Variants in CD55 observed in about 807,000 individuals in gnomAD.
CD55 encodes complement decay-accelerating factor.
A neutral mutation model predicts 45.8 loss-of-function variants in CD55; 41 were observed. The ratio of observed to expected loss-of-function variants is 0.90; its 90% CI spans 0.70 to 1.16. CD55 has a LOEUF of 1.16. Ranked by LOEUF, CD55 falls within the 50% of genes most tolerant of loss-of-function variation. The pLI, the probability that CD55 is intolerant of heterozygous loss-of-function variation, is 0.00. For missense variants in CD55, 416 were observed against 469.8 expected (o/e 0.89, Z 1.06); for synonymous variants, 181 against 181.1 (o/e 1.00, Z 0.01).
chr1:207,322,448 C>T lies in CD55; in HGVS notation c.167C>T (p.Pro56Leu), dbSNP rs1259936706. The change falls in exon 2 of 10, where the codon CCC becomes CTC. Residue 56 changes from proline (P) to leucine (L), a missense_variant. This residue lies in a region of CD55 where 123 missense variants were observed against 105.1 expected (regional missense o/e 1.17). Coordinates refer to ENST00000367064, the MANE Select transcript of CD55 (RefSeq NM_000574.5). Reference sequence around the variant, plus strand: ...GCTTTGGAAGGCCGTACAAGTTTTCCCGAGGATACTGTAATAACGTACAAA... The same window carrying T: ...GCTTTGGAAGGCCGTACAAGTTTTCTCGAGGATACTGTAATAACGTACAAA... ...QPALEGRTSF[P>L]EDTVITYKCE... 2 of 1,614,198 alleles carry T rather than the reference C, an allele frequency of 1.2e-6. No individual in the cohort carries two copies. The highest frequency in any genetic ancestry group is 1.7e-6 in the Non-Finnish European group (2 of 1,180,036).
At chr1:207,324,182 T>A (rs1250680782) in intron 2 of CD55, among the ~76,000 whole-genome samples, 2 of 152,192 alleles carry the variant, frequency 1.3e-5, no homozygotes, top group Non-Finnish European at 2.9e-5. Flanking sequence ...TGCAGGACAT[T>A]AGTCCAGGGG....
chr1:207,340,371 T>A (rs910708296), intron 9 of CD55: 2 of 456,374 alleles, frequency 4.4e-6, no homozygotes, highest in African/African-American at 2.0e-5. Flanking sequence ...TTTTTTATTT[T>A]TATTTTTTTT....
intron 7 of CD55, 69 bp downstream of exon 7, chr1:207,336,887 A>G: frequency 6.4e-7 from 1 of 1,565,256 alleles, no homozygotes; most frequent in South Asian, 1.1e-5. Flanking sequence ...AACCCCACCA[A>G]CTCCTCAGAA....
At chr1:207,336,365 A>G (rs1252153171) in intron 6 of CD55, among the ~76,000 whole-genome samples, 1 of 152,158 alleles carries the variant, frequency 6.6e-6, no homozygotes, top group Non-Finnish European at 1.5e-5. Flanking sequence ...CACAAAAGAT[A>G]ATTTGGGAGA....
chr1:207,332,563 G>A (rs573567015), intron 6 of CD55, among the ~76,000 whole-genome samples: 1 of 152,136 alleles, frequency 6.6e-6, no homozygotes, highest in Non-Finnish European at 1.5e-5. Context: ...CAATGTAAAT[G>A]GTAAAAATTT....
chr1:207,359,536 T>TTTTTTC lies in CD55; in HGVS notation c.1082-10_1082-9insTTTTTC. Reference sequence around the variant, plus strand: ...TTTAACTTTTTTTTTTTTTTTTTTTTAATTTTCAGGGCACACGTGTTTCAC... The same window carrying TTTTTTC: ...TTTAACTTTTTTTTTTTTTTTTTTTTTTTTTCAATTTTCAGGGCACACGTGTTTCAC... On this transcript the variant is annotated splice_polypyrimidine_tract_variant and intron_variant, in intron 9 of 9. Coordinates refer to ENST00000367064, the MANE Select transcript of CD55 (RefSeq NM_000574.5). 1 of 1,539,622 alleles carries TTTTTTC rather than the reference T, an allele frequency of 6.5e-7. No homozygotes were observed. Among genetic ancestry groups the TTTTTTC allele is most frequent in the Non-Finnish European group, 8.7e-7 (1 of 1,152,924 alleles).
Position 207,322,403 on chromosome 1 carries a change from A to C in CD55, c.122A>C (p.Asp41Ala), listed in dbSNP as rs1451157722. Residue 41 changes from aspartate to alanine, a missense_variant, in exon 2 of 10, where the codon GAT becomes GCT. This residue lies in a region of CD55 where 123 missense variants were observed against 105.1 expected (regional missense o/e 1.17). Transcript: ENST00000367064. Reference protein sequence around the residue: ...AVWGDCGLPPDVPNAQPALEG... With the variant: ...AVWGDCGLPPAVPNAQPALEG... The stretch of plus-strand genomic sequence containing the variant: ...CTAGGTGACTGTGGCCTTCCCCCAG[A>C]TGTACCTAATGCCCAGCCAGCTTTG... 6.2e-7 allele frequency: 1 copy of C among 1,614,074 alleles called. No homozygotes were observed. The highest frequency in any genetic ancestry group is 2.2e-5 in the East Asian group (1 of 44,872).
At chr1:207,359,509 AT>A in intron 9 of CD55, 36 bp from the exon 10 acceptor site, 1 of 1,158,578 alleles carries the variant, frequency 8.6e-7, no homozygotes, top group Non-Finnish European at 1.1e-6. Flanking sequence ...AATCATTTTG[AT>A]TTTAACTTTT....
chr1:207,334,090 T>C (rs949711195), intron 6 of CD55, among the ~76,000 whole-genome samples: 5 of 152,164 alleles, frequency 3.3e-5, no homozygotes, highest in Admixed American at 6.5e-5. Context: ...ATAAAACCAC[T>C]TTAGCAAAAA....
chr1:207,349,944 A>G lies in CD55; in HGVS notation c.1082-9602A>G, dbSNP rs533976312. Among the ~76,000 whole-genome samples, 83 of 152,244 alleles carry G rather than the reference A, an allele frequency of 5.5e-4. 1 individual carries two copies. Among genetic ancestry groups the G allele is most frequent in the African/African-American group, 1.9e-3 (80 of 41,542 alleles). ...ACATCCTTGTCTTGTACTGGTTTTC[A>G]AGGTGAATGCTTCCAGCTTTTGCTC... On this transcript the variant is annotated intron_variant, in intron 9 of 9. Transcript: ENST00000367064.
At chr1:207,322,269 C>A in intron 1 of CD55, 113 bp from the exon 2 acceptor site, 1 of 900,242 alleles carries the variant, frequency 1.1e-6, no homozygotes, top group Non-Finnish European at 1.9e-6. Context: ...ATGCTGCAAA[C>A]TTGCATGTCA....
At chr1:207,323,790 C>T (rs1401848407) in intron 2 of CD55, among the ~76,000 whole-genome samples, 2 of 152,154 alleles carry the variant, frequency 1.3e-5, no homozygotes, top group African/African-American at 4.8e-5. Context: ...TAACTCTTCC[C>T]CATGTTATTA....
intron 6 of CD55, among the ~76,000 whole-genome samples, chr1:207,334,402 T>A (rs1655080652): frequency 1.3e-5 from 2 of 152,022 alleles, no homozygotes; most frequent in Admixed American, 1.3e-4. Flanking sequence ...ATTCTTCAAG[T>A]AGAATGAAAA....
chr1:207,324,919 A>G (rs1359381079), intron 3 of CD55, among the ~76,000 whole-genome samples, 169 bp downstream of exon 3: 3 of 152,228 alleles, frequency 2.0e-5, no homozygotes, highest in African/African-American at 7.2e-5. Context: ...TTTATGTGGT[A>G]GGAATACTTA....
At position 207,331,169 on chromosome 1, in the gene CD55, T is replaced by C; in HGVS notation, c.726T>C (p.His242=). The change falls in exon 6 of 10, where the codon CAT becomes CAC. Residue 242 remains histidine, a synonymous_variant. Coordinates refer to ENST00000367064, the MANE Select transcript of CD55 (RefSeq NM_000574.5). The stretch of plus-strand genomic sequence containing the variant: ...GAATAATTCAAGGGGAACGTGACCA[T>C]TATGGATATAGACAGTCTGTAACGT... ...DNGIIQGERD[H]YGYRQSVTYA... 6.2e-7 allele frequency: 1 copy of C among 1,613,564 alleles called. No homozygotes were observed. The highest frequency in any genetic ancestry group is 2.2e-5 in the East Asian group (1 of 44,836).
chr1:207,331,258 A>G lies in CD55; in HGVS notation c.815A>G (p.Asp272Gly), dbSNP rs1407371316. The G allele has an allele frequency of 6.2e-7, 1 of 1,613,918 alleles. No individual in the cohort carries two copies. The highest frequency in any genetic ancestry group is 8.5e-7 in the Non-Finnish European group (1 of 1,179,842). ...TCTATTTATTGTACTGTGAATAATG[A>G]TGAAGGAGAGTGGAGTGGCCCACCA... ...EHSIYCTVNN[D>G]EGEWSGPPPE... The change falls in exon 6 of 10, where the codon GAT becomes GGT. Residue 272 changes from aspartate (D) to glycine (G), a missense_variant. Asp to Gly is a moderately conservative substitution (Grantham distance 94). This residue lies in a region of CD55 where 182 missense variants were observed against 201.4 expected (regional missense o/e 0.90). Transcript: ENST00000367064.
At chr1:207,325,142 C>CT (rs1231186801) in intron 3 of CD55, among the ~76,000 whole-genome samples, 3 of 151,912 alleles carry the variant, frequency 2.0e-5, no homozygotes, top group African/African-American at 7.3e-5. Flanking sequence ...TGAGAGTAGC[C>CT]TGGCCAACAT....
At chr1:207,326,876 T>C (rs770565129) in intron 5 of CD55, 39 bp downstream of exon 5, 2 of 1,358,152 alleles carry the variant, frequency 1.5e-6, no homozygotes, top group Non-Finnish European at 2.1e-6. Flanking sequence ...ATTGTGAGGC[T>C]GAGTACTCAA....
At position 207,322,571 on chromosome 1, in the gene CD55, A is replaced by C. The variant is rs1405170705; in HGVS notation, c.286+4A>C. 6.3e-7 allele frequency: 1 copy of C among 1,594,226 alleles called. No individual in the cohort carries two copies. The highest frequency in any genetic ancestry group is 8.5e-7 in the Non-Finnish European group (1 of 1,172,708). On this transcript the variant is annotated splice_donor_region_variant and intron_variant, in intron 2 of 9. Transcript: ENST00000367064. ...GATATTGAAGAGTTCTGCAATCGTA[A>C]GTTCTTCATCTTTTTAGAAAAGTTC...
Sources: gnomAD v4.1 joint callset for allele counts (sites outside exome capture counted in the v4.1 genomes callset) on GRCh38, gnomAD v4.1.1 for gene constraint, gnomAD v4.1.1 regional missense constraint, MANE v1.5 for transcripts, NCBI Gene and HGNC (gene_info 2026-07-23, HGNC 2026-07-21) for gene names.